Variants in AMPH observed in about 807,000 individuals in gnomAD.
AMPH encodes amphiphysin.
AMPH carries 49 observed loss-of-function variants against 99.1 expected under a neutral mutation model. The ratio of observed to expected loss-of-function variants is 0.49; its 90% confidence interval spans 0.39 to 0.63. The LOEUF is 0.63. AMPH is among the 20% of genes least tolerant of loss of function. AMPH has a pLI of 0.00. For missense variants in AMPH, 759 were observed against 863.4 expected, an observed-to-expected ratio of 0.88 and a Z score of 1.52; for synonymous variants, 314 against 317.3, an observed-to-expected ratio of 0.99 and a Z score of 0.11.
chr7:38,541,009 T>G (rs538946274), intron 1 of AMPH, among the ~76,000 whole-genome samples: 224 of 122,058 alleles, frequency 1.8e-3, no homozygotes, highest in African/African-American at 6.6e-3. Flanking sequence ...CTTCACACTT[T>G]CTGTTCTTAA....
At chr7:38,448,593 G>A (rs571692924) in intron 11 of AMPH, among the ~76,000 whole-genome samples, 2 of 152,226 alleles carry the variant, frequency 1.3e-5, no homozygotes, top group South Asian at 2.1e-4. Flanking sequence ...TCTCTCGCTC[G>A]CTTGCTCTCT....
chr7:38,600,139 A>C (rs537211263), intron 1 of AMPH, among the ~76,000 whole-genome samples: 2 of 152,286 alleles, frequency 1.3e-5, no homozygotes, highest in Admixed American at 1.3e-4. Context: ...ATAAAAGATA[A>C]AAATCCCACT....
intron 17 of AMPH, among the ~76,000 whole-genome samples, chr7:38,404,037 G>C (rs1784915629): frequency 6.6e-6 from 1 of 152,166 alleles, no homozygotes; most frequent in Admixed American, 6.5e-5. Flanking sequence ...GGGGGAAGAA[G>C]CTGTGCCCCA....
At chr7:38,506,188 G>A (rs1349755550) in intron 2 of AMPH, among the ~76,000 whole-genome samples, 2 of 152,162 alleles carry the variant, frequency 1.3e-5, no homozygotes, top group Admixed American at 6.5e-5. Flanking sequence ...AAGCCACTGA[G>A]ATGTTGCTAC....
At chr7:38,483,395 T>C (rs1788366523) in intron 5 of AMPH, among the ~76,000 whole-genome samples, 1 of 152,056 alleles carries the variant, frequency 6.6e-6, no homozygotes, top group African/African-American at 2.4e-5. Context: ...TCCCCTCAAC[T>C]GAGGGATAAA....
chr7:38,468,522 CTTA>C (rs754877157), intron 7 of AMPH, among the ~76,000 whole-genome samples: 22 of 152,110 alleles, frequency 1.4e-4, no homozygotes, highest in Non-Finnish European at 3.1e-4. Context: ...TCAGAAATAT[CTTA>C]TTTAGAATAA....
At chr7:38,601,260 G>T (rs1400677140) in intron 1 of AMPH, among the ~76,000 whole-genome samples, 1 of 152,210 alleles carries the variant, frequency 6.6e-6, no homozygotes, top group Non-Finnish European at 1.5e-5. Context: ...GTTGTCCCGA[G>T]AATTCACTCT....
At chr7:38,599,221 A>G (rs1053493946) in intron 1 of AMPH, among the ~76,000 whole-genome samples, 1 of 152,182 alleles carries the variant, frequency 6.6e-6, no homozygotes, top group Admixed American at 6.5e-5. Context: ...CATTGTTTCT[A>G]TATACCGTTG....
intron 6 of AMPH, 144 bp from the exon 7 acceptor site, chr7:38,475,560 G>T: frequency 1.7e-6 from 1 of 592,502 alleles, no homozygotes; most frequent in South Asian, 2.2e-5. Context: ...GCATATCCTT[G>T]TTTTTCAATT....
intron 14 of AMPH, chr7:38,427,903 C>G (rs1473805220): frequency 8.8e-6 from 4 of 456,580 alleles, no homozygotes; most frequent in African/African-American, 8.0e-5. Context: ...ATTTCATCTT[C>G]AGATAAATCT....
At chr7:38,537,712 G>C (rs2129041473) in intron 1 of AMPH, among the ~76,000 whole-genome samples, 1 of 152,320 alleles carries the variant, frequency 6.6e-6, no homozygotes, top group South Asian at 2.1e-4. Context: ...TGATGTTGCT[G>C]CCAAAGCATC....
chr7:38,411,532 A>AGAACAG (rs1484932949), intron 17 of AMPH, among the ~76,000 whole-genome samples: 14 of 152,240 alleles, frequency 9.2e-5, no homozygotes, highest in African/African-American at 3.1e-4. Flanking sequence ...AGGGATGGAC[A>AGAACAG]GAACAGGAAC....
chr7:38,610,332 A>AG (rs1562860482), intron 1 of AMPH, among the ~76,000 whole-genome samples: 1 of 31,256 alleles, frequency 3.2e-5, no homozygotes, highest in Non-Finnish European at 6.5e-5. Flanking sequence ...AAAAGAAAAG[A>AG]AAAAAGAAAA....
At chr7:38,422,516 G>C in intron 15 of AMPH, 39 bp from the exon 16 acceptor site, 1 of 1,517,654 alleles carries the variant, frequency 6.6e-7, no homozygotes, top group Admixed American at 1.7e-5. Flanking sequence ...GTTTTTTAAA[G>C]ATATTTAAAT....
At chr7:38,539,282 G>A (rs1461145311) in intron 1 of AMPH, among the ~76,000 whole-genome samples, 2 of 152,184 alleles carry the variant, frequency 1.3e-5, no homozygotes, top group African/African-American at 2.4e-5. Flanking sequence ...TAGTGGAATG[G>A]CAGTCAGAAA....
rs374045029 is a variant in AMPH, at chr7:38,595,232, C to T, written c.69+36051G>A. ...GCTTCACTCCTGTGTGTCTTCCCTT[C>T]CTCTCCTCCACATATCACAGCTCCC... On this transcript the variant is annotated intron_variant, in intron 1 of 20. Transcript: ENST00000356264. Among the ~76,000 whole-genome samples, 57 of 152,302 alleles carry T rather than the reference C, an allele frequency of 3.7e-4. No individual in the cohort carries two copies. In the East Asian group the frequency reaches 0.011, roughly 29 times the overall value.
chr7:38,522,568 CAG>C (rs1187094729), intron 2 of AMPH, among the ~76,000 whole-genome samples: 1 of 152,004 alleles, frequency 6.6e-6, no homozygotes, highest in African/African-American at 2.4e-5. Flanking sequence ...GCTAAGCGGG[CAG>C]AGATTCTTGG....
chr7:38,537,545 A>T (rs937421702), intron 1 of AMPH, among the ~76,000 whole-genome samples: 2 of 152,246 alleles, frequency 1.3e-5, no homozygotes, highest in Non-Finnish European at 2.9e-5. Context: ...TTCAACAAGG[A>T]TAAAATTTAG....
chr7:38,619,544 T>C (rs923624227), intron 1 of AMPH, among the ~76,000 whole-genome samples: 27 of 152,288 alleles, frequency 1.8e-4, no homozygotes, highest in African/African-American at 5.3e-4. Flanking sequence ...CACACATCTA[T>C]AGAACACTCT....
Sources: allele counts gnomAD v4.1 joint callset (sites outside exome capture counted in the v4.1 genomes callset), GRCh38; gene constraint gnomAD v4.1.1; transcripts MANE v1.5; gene names NCBI Gene and HGNC (gene_info 2026-07-23, HGNC 2026-07-21).